The following RASGRF1 variants were observed in gnomAD, a reference collection of about 807,000 sequenced individuals.
RASGRF1 encodes the protein Ras protein specific guanine nucleotide releasing factor 1.
RASGRF1 carries 40 observed loss-of-function variants against 138.7 expected under a neutral mutation model. The observed-to-expected ratio is 0.29, with a 90% CI of 0.22 to 0.38. RASGRF1 has a LOEUF of 0.38. RASGRF1 is among the 10% of genes least tolerant of loss of function. The probability of loss-of-function intolerance (pLI) is 1.00; values close to 1 mark genes in which losing one functional copy is unlikely to be tolerated. For synonymous variants in RASGRF1, 614 were observed against 663.2 expected (o/e 0.93, Z 1.14); for missense variants, 1,108 against 1,650.4 (o/e 0.67, Z 5.69).
intron 2 of RASGRF1, among the ~76,000 whole-genome samples, chr15:79,061,430 A>ATATATATATATATATATATATATATC (rs933269711): frequency 5.4e-5 from 8 of 147,220 alleles, no homozygotes; most frequent in African/African-American, 1.7e-4. Context: ...ATATATATAT[A>ATATATATATATATATATATATATATC]TCATTCATTT....
At chr15:79,064,916 A>G (rs2057656395) in intron 1 of RASGRF1, among the ~76,000 whole-genome samples, 1 of 152,210 alleles carries the variant, frequency 6.6e-6, no homozygotes, top group Non-Finnish European at 1.5e-5. Flanking sequence ...CTCCACAAAA[A>G]TGGAATAAGT....
intron 16 of RASGRF1, among the ~76,000 whole-genome samples, chr15:79,000,785 A>C (rs892183446): frequency 1.5e-4 from 23 of 152,166 alleles, no homozygotes; most frequent in African/African-American, 5.6e-4. Flanking sequence ...GCTCTCCATG[A>C]GCTCTGTTTC....
chr15:78,992,484 A>T lies in RASGRF1; in HGVS notation c.3028-690T>A, dbSNP rs578211853. On this transcript the variant is annotated intron_variant, in intron 20 of 26. Coordinates refer to ENST00000558480, the MANE Select transcript of RASGRF1 (RefSeq NM_001145648.3). ...AGATGGATGAGTGGTGGACATAGGG[A>T]GGCCAGTGTATTGGGCACAAAGGCC... Among the ~76,000 whole-genome samples the T allele has an allele frequency of 8.9e-4, 136 of 152,318 alleles. 1 individual carries two copies. The highest frequency in any genetic ancestry group is 3.1e-3 in the African/African-American group (130 of 41,572).
At chr15:79,089,469 G>T (rs1052492913) in intron 1 of RASGRF1, among the ~76,000 whole-genome samples, 8 of 152,226 alleles carry the variant, frequency 5.3e-5, no homozygotes, top group Non-Finnish European at 1.0e-4. Flanking sequence ...AGAGCGCAGC[G>T]CTATAGCCGC....
chr15:79,080,201 CTCCTCACTG>C (rs2057896724), intron 1 of RASGRF1, among the ~76,000 whole-genome samples: 1 of 152,260 alleles, frequency 6.6e-6, no homozygotes, highest in Non-Finnish European at 1.5e-5. Context: ...TTACTTGCTT[CTCCTCACTG>C]GTGCCCACCT....
chr15:78,990,353 AT>A, intron 21 of RASGRF1, 80 bp from the exon 22 acceptor site: 1 of 1,052,426 alleles, frequency 9.5e-7, no homozygotes, highest in Non-Finnish European at 1.4e-6. Flanking sequence ...TTTTTATTTT[AT>A]TTTTTGGCTT....
chr15:79,072,454 T>A (rs1032663735), intron 1 of RASGRF1, among the ~76,000 whole-genome samples: 1 of 150,822 alleles, frequency 6.6e-6, no homozygotes, highest in Non-Finnish European at 1.5e-5. Context: ...TTTTTGTATT[T>A]TTAGTAGAAA....
Position 79,083,234 on chromosome 15 carries a change from C to T in RASGRF1, c.276+6989G>A, listed in dbSNP as rs183300153. On this transcript the variant is annotated intron_variant, in intron 1 of 26. Coordinates refer to ENST00000558480, the MANE Select transcript of RASGRF1 (RefSeq NM_001145648.3). ...AGGGGCTGTACTCTCCTCTCTGAGTCGGGGACAGAGAGTGGGGGTGTCCAC... is the reference window on the plus strand; with the variant it reads ...AGGGGCTGTACTCTCCTCTCTGAGTTGGGGACAGAGAGTGGGGGTGTCCAC... Among the ~76,000 whole-genome samples the T allele has an allele frequency of 4.7e-3, 718 of 152,302 alleles. 9 individuals carry two copies. The highest frequency in any genetic ancestry group is 0.017 in the African/African-American group (690 of 41,556).
Position 79,003,961 on chromosome 15 carries a change from T to C in RASGRF1, c.2290A>G (p.Asn764Asp). ...LDLAALSCNS[N>D]GYTSMYSAMS... ...GCCGAGTACATGCTGGTGTAGCCAT[T>C]GGAGTTGCAGCTGAGGGCGGCCAGG... Residue 764 changes from asparagine to aspartate, a missense_variant, in exon 15 of 27, where the codon AAT (asparagine) becomes GAT (aspartate). This residue lies in a region of RASGRF1 where 686 missense variants were observed against 976.7 expected (regional missense o/e 0.70). Coordinates refer to ENST00000558480, the MANE Select transcript of RASGRF1 (RefSeq NM_001145648.3). 6.2e-7 allele frequency: 1 copy of C among 1,614,026 alleles called. No individual in the cohort carries two copies. Among genetic ancestry groups the C allele is most frequent in the South Asian group, 1.1e-5 (1 of 91,072 alleles).
chr15:79,000,971 G>A (rs2056508781), intron 16 of RASGRF1, among the ~76,000 whole-genome samples: 1 of 152,158 alleles, frequency 6.6e-6, no homozygotes, highest in Admixed American at 6.5e-5. Context: ...GTGTGGGGAG[G>A]GGCTGCCTGG....
chr15:79,067,298 TAAG>T (rs1380114426), intron 1 of RASGRF1, among the ~76,000 whole-genome samples: 7 of 152,158 alleles, frequency 4.6e-5, no homozygotes, highest in East Asian at 1.9e-4. Flanking sequence ...GCCTCCACCT[TAAG>T]AAGAAGGGGA....
intron 5 of RASGRF1, among the ~76,000 whole-genome samples, chr15:79,045,007 G>A (rs1033058320): frequency 6.6e-6 from 1 of 152,146 alleles, no homozygotes; most frequent in Admixed American, 6.5e-5. Context: ...TAGTGATGAT[G>A]ATAAATGGTC....
chr15:79,066,160 T>C (rs1227267166), intron 1 of RASGRF1, among the ~76,000 whole-genome samples: 1 of 152,052 alleles, frequency 6.6e-6, no homozygotes, highest in Admixed American at 6.5e-5. Context: ...TCTCGAGAGA[T>C]GATGAACACA....
intron 24 of RASGRF1, among the ~76,000 whole-genome samples, chr15:78,978,228 T>TC (rs1567435774): frequency 1.5e-4 from 5 of 33,396 alleles, no homozygotes; most frequent in Non-Finnish European, 3.9e-4. Flanking sequence ...TTGTTTTTTT[T>TC]TTTTTTTTTT....
At chr15:78,996,735 TGC>T (rs954631479) in intron 19 of RASGRF1, among the ~76,000 whole-genome samples, 6 of 106,354 alleles carry the variant, frequency 5.6e-5, no homozygotes, top group East Asian at 2.1e-4. Flanking sequence ...TGTGTGTGTG[TGC>T]GTGTGTGTGT....
chr15:78,991,924 C>T (rs2056277753), intron 20 of RASGRF1, 130 bp from the exon 21 acceptor site: 1 of 669,728 alleles, frequency 1.5e-6, no homozygotes, highest in South Asian at 1.7e-5. Context: ...ATGACGCTGC[C>T]TCGAATCTGA....
At chr15:79,054,213 C>T (rs529588123) in intron 3 of RASGRF1, among the ~76,000 whole-genome samples, 2 of 151,856 alleles carry the variant, frequency 1.3e-5, no homozygotes, top group Non-Finnish European at 2.9e-5. Flanking sequence ...AGGTTATGGA[C>T]AACAACAAAA....
Position 79,027,475 on chromosome 15 carries a change from A to G in RASGRF1, c.1381+266T>C, listed in dbSNP as rs1437853715. 5.3e-5 allele frequency among the ~76,000 whole-genome samples: 8 copies of G among 152,214 alleles called. No individual in the cohort carries two copies. Among genetic ancestry groups the G allele is most frequent in the African/African-American group, 1.9e-4 (8 of 41,454 alleles). Reference sequence around the variant, plus strand: ...GTTTACTATGACATACAATAGACAAACCAAGGCCATCTGGGTAGAATTCTG... The same window carrying G: ...GTTTACTATGACATACAATAGACAAGCCAAGGCCATCTGGGTAGAATTCTG... On this transcript the variant is annotated intron_variant, in intron 9 of 26. Coordinates refer to ENST00000558480, the MANE Select transcript of RASGRF1 (RefSeq NM_001145648.3). This position sits in a 1 kb window ranked among gnomAD's most constrained non-coding sequence, Gnocchi z 4.8.
chr15:79,036,593 G>C (rs1208205265), intron 5 of RASGRF1, among the ~76,000 whole-genome samples: 1 of 152,208 alleles, frequency 6.6e-6, no homozygotes, highest in Admixed American at 6.5e-5. Flanking sequence ...TGAGCACAGA[G>C]ATGCTCCAGC....
Sources: allele counts gnomAD v4.1 joint callset (sites outside exome capture counted in the v4.1 genomes callset), GRCh38; gene constraint gnomAD v4.1.1; regional missense constraint gnomAD v4.1.1; non-coding constraint Gnocchi (gnomAD v3.1); transcripts MANE v1.5; gene names NCBI Gene and HGNC (gene_info 2026-07-23, HGNC 2026-07-21).